The following GLIS3 variants were observed in gnomAD, a reference collection of about 807,000 sequenced individuals.
GLIS3 encodes the protein GLIS family zinc finger 3, also known as zinc finger protein GLIS3.
GLIS3 carries 53 observed loss-of-function variants against 78.6 expected under a neutral mutation model. The ratio of observed to expected loss-of-function variants is 0.67; its 90% CI spans 0.54 to 0.85. GLIS3 has a LOEUF of 0.85. Among genes scored for constraint, GLIS3 ranks in the 40% least tolerant of loss-of-function variants. GLIS3 has a pLI of 0.00. For missense variants in GLIS3, 1,703 were observed against 1,231.1 expected (o/e 1.38, Z -5.74); for synonymous variants, 684 against 509.9 (o/e 1.34, Z -4.60).
At chr9:4,160,647 C>G (rs1425249379) in intron 2 of GLIS3, among the ~76,000 whole-genome samples, 1 of 152,174 alleles carries the variant, frequency 6.6e-6, no homozygotes. Flanking sequence ...CTTCAAAGTC[C>G]TTGTATTTTA....
At chr9:4,396,957 G>C in the GLIS3 span, among the ~76,000 whole-genome samples, 2 of 151,536 alleles carry the variant, frequency 1.3e-5, no homozygotes, top group East Asian at 3.9e-4. Context: ...TTCCTAAGCA[G>C]CTTCTTCTCT....
chr9:4,329,213 T>C (rs890453843), intron 2 of GLIS3, among the ~76,000 whole-genome samples: 1 of 152,132 alleles, frequency 6.6e-6, no homozygotes, highest in African/African-American at 2.4e-5. Context: ...ATTCCCACGA[T>C]AATGTTCTGA....
chr9:4,435,973 C>CAAA, the GLIS3 span, among the ~76,000 whole-genome samples: 58 of 151,530 alleles, frequency 3.8e-4, no homozygotes, highest in Non-Finnish European at 6.8e-4. Context: ...CAAAACAAAA[C>CAAA]AAAAACAAAC....
chr9:3,926,067 A>G (rs144128483), intron 6 of GLIS3, among the ~76,000 whole-genome samples: 193 of 152,308 alleles, frequency 1.3e-3, no homozygotes, highest in African/African-American at 4.5e-3. Flanking sequence ...CAGTCCCTCA[A>G]TTGAGTGCCA....
At chr9:4,038,300 T>TACGA (rs3062653) in intron 4 of GLIS3, among the ~76,000 whole-genome samples, 2 of 151,822 alleles carry the variant, frequency 1.3e-5, no homozygotes, top group Admixed American at 1.3e-4. Flanking sequence ...TCCAACTTGT[T>TACGA]GGTTCCAAAA....
At chr9:4,064,511 T>C (rs575637108) in intron 4 of GLIS3, among the ~76,000 whole-genome samples, 1 of 152,234 alleles carries the variant, frequency 6.6e-6, no homozygotes, top group African/African-American at 2.4e-5. Flanking sequence ...AAAATATACC[T>C]ACTGGATTTA....
intron 1 of GLIS3, among the ~76,000 whole-genome samples, chr9:4,295,623 G>A (rs1284956376): frequency 6.6e-6 from 1 of 152,208 alleles, no homozygotes; most frequent in Non-Finnish European, 1.5e-5. Context: ...CTTAGGCAGA[G>A]GTGGTAACTA....
intron 9 of GLIS3, among the ~76,000 whole-genome samples, chr9:3,839,349 TCAC>T (rs1462896502): frequency 6.6e-6 from 1 of 152,152 alleles, no homozygotes. Context: ...AAAACAGCAA[TCAC>T]ACAATCTCCT....
the GLIS3 span, among the ~76,000 whole-genome samples, chr9:4,450,147 C>A: frequency 6.6e-6 from 1 of 152,170 alleles, no homozygotes; most frequent in Non-Finnish European, 1.5e-5. Flanking sequence ...GTAGAGAAGA[C>A]CTTAAGTGAC....
At chr9:4,316,728 G>A (rs976653759) in intron 2 of GLIS3, among the ~76,000 whole-genome samples, 1 of 152,144 alleles carries the variant, frequency 6.6e-6, no homozygotes, top group African/African-American at 2.4e-5. Flanking sequence ...TGAGCTGCTG[G>A]GATAAGCTTC....
At chr9:4,086,065 G>A (rs1828998186) in intron 4 of GLIS3, among the ~76,000 whole-genome samples, 2 of 152,094 alleles carry the variant, frequency 1.3e-5, no homozygotes, top group African/African-American at 2.4e-5. Context: ...GTCCTTACAC[G>A]AGTTGTCCAA....
chr9:4,251,309 ATT>A (rs1824353806), intron 2 of GLIS3, among the ~76,000 whole-genome samples: 1 of 151,976 alleles, frequency 6.6e-6, no homozygotes, highest in Non-Finnish European at 1.5e-5. Context: ...CTGCATGTAT[ATT>A]TAGGATAGTT....
At position 3,828,123 on chromosome 9, in the gene GLIS3, C is replaced by G. The variant is rs1817823378; in HGVS notation, c.*149G>C. Reference sequence around the variant, plus strand: ...TTCCTGCAAAGCTAGCTCTGCCATTCAGTCCTGCCTTCTGAAAGAACATCA... The same window carrying G: ...TTCCTGCAAAGCTAGCTCTGCCATTGAGTCCTGCCTTCTGAAAGAACATCA... On this transcript the variant is annotated 3_prime_UTR_variant, in exon 11 of 11. Transcript: ENST00000381971. 2 of 854,476 alleles carry G rather than the reference C, an allele frequency of 2.3e-6. No individual in the cohort carries two copies. Among genetic ancestry groups the G allele is most frequent in the East Asian group, 5.1e-5 (2 of 39,232 alleles). 52.9% of individuals were successfully genotyped at this position (854,476 alleles called of 1,614,324 possible).
At chr9:4,066,013 A>G (rs1348115976) in intron 4 of GLIS3, among the ~76,000 whole-genome samples, 1 of 148,502 alleles carries the variant, frequency 6.7e-6, no homozygotes, top group Non-Finnish European at 1.5e-5. Flanking sequence ...TCCTTCCAAC[A>G]TCTCATTAAA....
At chr9:4,466,699 A>C in the GLIS3 span, among the ~76,000 whole-genome samples, 1 of 152,188 alleles carries the variant, frequency 6.6e-6, no homozygotes, top group Non-Finnish European at 1.5e-5. Flanking sequence ...CAGCTCCAGA[A>C]TACAGCTCCC....
the GLIS3 span, among the ~76,000 whole-genome samples, chr9:4,457,384 C>T: frequency 1.5e-4 from 23 of 150,934 alleles, no homozygotes; most frequent in South Asian, 3.8e-3. Flanking sequence ...CAAGATATAT[C>T]TGCATTTATA....
chr9:4,042,862 G>A (rs1275892507), intron 4 of GLIS3, among the ~76,000 whole-genome samples: 3 of 150,864 alleles, frequency 2.0e-5, no homozygotes, highest in Non-Finnish European at 1.5e-5. Context: ...ATTATATTGA[G>A]TTTGAGTAAA....
At chr9:4,472,372 G>A in the GLIS3 span, among the ~76,000 whole-genome samples, 1 of 152,152 alleles carries the variant, frequency 6.6e-6, no homozygotes, top group African/African-American at 2.4e-5. Flanking sequence ...GTCCATCAAT[G>A]ATAGACTGAA....
intron 6 of GLIS3, among the ~76,000 whole-genome samples, chr9:3,901,540 C>CAGAA (rs1823301670): frequency 6.6e-6 from 1 of 152,156 alleles, no homozygotes; most frequent in Admixed American, 6.5e-5. Flanking sequence ...AAATTCTGAT[C>CAGAA]AGAAAGAAAG....
Sources: gnomAD v4.1 joint callset for allele counts (sites outside exome capture counted in the v4.1 genomes callset) on GRCh38, gnomAD v4.1.1 for gene constraint, MANE v1.5 for transcripts, NCBI Gene and HGNC (gene_info 2026-07-23, HGNC 2026-07-21) for gene names.